Variants in FOXP2 observed in about 807,000 individuals in gnomAD.
FOXP2 encodes forkhead box protein P2.
FOXP2 carries 12 observed loss-of-function variants against 115.8 expected under a neutral mutation model. That is an observed-to-expected ratio of 0.10 (90% CI 0.07 to 0.17). FOXP2 has a LOEUF of 0.17. Among genes scored for constraint, FOXP2 ranks in the 10% least tolerant of loss-of-function variants. FOXP2 has a pLI of 1.00. For synonymous variants in FOXP2, 328 were observed against 297.7 expected (o/e 1.10, Z -1.05); for missense variants, 629 against 843.5 (o/e 0.75, Z 3.15).
chr7:114,617,075 C>T lies in FOXP2; in HGVS notation c.259-11465C>T, dbSNP rs184128507. ...ACTCCAGCATTAGCAACAGAGCGTGCGACTCTCTTTAAAAATAAAAATTAA... is the reference window on the plus strand; with the variant it reads ...ACTCCAGCATTAGCAACAGAGCGTGTGACTCTCTTTAAAAATAAAAATTAA... On this transcript the variant is annotated intron_variant, in intron 3 of 16. Coordinates refer to ENST00000350908, the MANE Select transcript of FOXP2 (RefSeq NM_014491.4). Among the ~76,000 whole-genome samples, 238 of 152,120 alleles carry T rather than the reference C, an allele frequency of 1.6e-3. 2 individuals are homozygous for T. Among genetic ancestry groups the T allele is most frequent in the African/African-American group, 5.3e-3 (220 of 41,488 alleles).
At chr7:114,472,978 G>C (rs555124473) in intron 2 of FOXP2, among the ~76,000 whole-genome samples, 1 of 152,084 alleles carries the variant, frequency 6.6e-6, no homozygotes, top group African/African-American at 2.4e-5. Flanking sequence ...TCCCACTACT[G>C]TCTTCAGCAG....
At chr7:114,170,522 A>G (rs1167199058) in intron 1 of FOXP2, among the ~76,000 whole-genome samples, 1 of 152,236 alleles carries the variant, frequency 6.6e-6, no homozygotes, top group African/African-American at 2.4e-5. Flanking sequence ...TATGACAAAC[A>G]GCCCAAAGTT....
chr7:114,227,289 C>T (rs1406264864), intron 1 of FOXP2, among the ~76,000 whole-genome samples: 2 of 151,906 alleles, frequency 1.3e-5, no homozygotes, highest in South Asian at 2.1e-4. Context: ...AGTTCAGTTT[C>T]CTTCTAGCTG....
chr7:114,615,351 T>G (rs1326572253), intron 3 of FOXP2, among the ~76,000 whole-genome samples: 1 of 152,178 alleles, frequency 6.6e-6, no homozygotes, highest in East Asian at 1.9e-4. Flanking sequence ...ATTACTGCCC[T>G]CTTCCTCCTC....
chr7:114,438,094 T>C lies in FOXP2; in HGVS notation c.168+11415T>C, dbSNP rs192029692. Among the ~76,000 whole-genome samples the C allele has an allele frequency of 2.8e-4, 42 of 152,332 alleles. No homozygotes were observed. The East Asian group carries it at 7.3e-3, about 27-fold the overall frequency. ...ACCTGTTTTTATTTTTTTTAATTTG[T>C]CTATTACAACATTAGAAATTAACTA... On this transcript the variant is annotated intron_variant, in intron 2 of 16. Transcript: ENST00000350908.
At chr7:114,444,573 T>C (rs192824078) in intron 2 of FOXP2, among the ~76,000 whole-genome samples, 52 of 152,296 alleles carry the variant, frequency 3.4e-4, no homozygotes, top group African/African-American at 1.1e-3. Flanking sequence ...TGAATTGTTT[T>C]CCAAAAGAAT....
chr7:114,617,857 C>T (rs1041921118), intron 3 of FOXP2, among the ~76,000 whole-genome samples: 4 of 152,130 alleles, frequency 2.6e-5, no homozygotes, highest in Admixed American at 6.5e-5. Context: ...TTCTGATAGC[C>T]ATGGCCCTTT....
intron 2 of FOXP2, among the ~76,000 whole-genome samples, chr7:114,480,631 A>G (rs559343559): frequency 2.7e-5 from 4 of 150,614 alleles, no homozygotes; most frequent in East Asian, 1.9e-4. Flanking sequence ...ATACATGTAT[A>G]CATATGTATA....
At chr7:114,601,786 A>T (rs1412099092) in intron 3 of FOXP2, among the ~76,000 whole-genome samples, 3 of 152,122 alleles carry the variant, frequency 2.0e-5, no homozygotes, top group Non-Finnish European at 4.4e-5. Flanking sequence ...AGATCTCTTA[A>T]GTTATAACTT....
chr7:114,115,681 T>A (rs1326567538), intron 1 of FOXP2, among the ~76,000 whole-genome samples: 1 of 152,082 alleles, frequency 6.6e-6, no homozygotes, highest in Non-Finnish European at 1.5e-5. Context: ...CCTAACTAGA[T>A]CTATGCTATG....
At chr7:114,596,666 T>A (rs1328848616) in intron 3 of FOXP2, among the ~76,000 whole-genome samples, 1 of 152,136 alleles carries the variant, frequency 6.6e-6, no homozygotes, top group Non-Finnish European at 1.5e-5. Flanking sequence ...GCATCTTGAA[T>A]GTCCCATTTT....
rs202150462 is a variant in FOXP2 at position 114,600,958 on chromosome 7, CTTTT to C, written c.259-27570_259-27567del. Among the ~76,000 whole-genome samples the C allele has an allele frequency of 1.1e-3, 150 of 139,948 alleles. 1 individual carries two copies. The highest frequency in any genetic ancestry group is 3.5e-3 in the African/African-American group (136 of 38,600). The allele number at this position is 139,948 out of a possible 152,430, so 91.8% of individuals were successfully genotyped here. A position where few individuals can be genotyped will look rare whatever the true frequency, so the allele number is the denominator to read the frequency against. On this transcript the variant is annotated intron_variant, in intron 3 of 16. Transcript: ENST00000350908. ...CAGTCTTGGCTTGTCTTGTCAGTAT[CTTTT>C]TTTTTTTTTTTAATTTTTTGAAACA...
chr7:114,286,919 CTTAAAAGTGT>C (rs1161180303), intron 1 of FOXP2, among the ~76,000 whole-genome samples: 1 of 151,964 alleles, frequency 6.6e-6, no homozygotes, highest in Non-Finnish European at 1.5e-5. Flanking sequence ...GGTTCTTTAG[CTTAAAAGTGT>C]TTAGAAATGA....
At chr7:114,520,942 T>C (rs1159882026) in intron 2 of FOXP2, among the ~76,000 whole-genome samples, 1 of 152,114 alleles carries the variant, frequency 6.6e-6, no homozygotes, top group African/African-American at 2.4e-5. Flanking sequence ...ATTACAAGGC[T>C]GTCTTATAAG....
At position 114,227,213 on chromosome 7, in the gene FOXP2, G is replaced by C. The variant is rs112767830; in HGVS notation, c.-101-60806G>C. Among the ~76,000 whole-genome samples, 556 of 152,102 alleles carry C rather than the reference G, an allele frequency of 3.7e-3. 5 individuals carry two copies. The highest frequency in any genetic ancestry group is 0.013 in the African/African-American group (530 of 41,530). On this transcript the variant is annotated intron_variant, in intron 1 of 17. Coordinates refer to the FOXP2 transcript ENST00000634411. ...CAGGCTACAGTGTCCCTATTATTTG[G>C]TTATGGTGGAATCATTGTGAGCATG...
At chr7:114,629,571 T>A (rs1307894594) in intron 4 of FOXP2, 26 of 1,537,036 alleles carry the variant, frequency 1.7e-5, no homozygotes, top group Admixed American at 5.9e-5. Context: ...GAATACAGAC[T>A]TTCTATACCC....
At chr7:114,291,594 C>A (rs1001582897) in intron 2 of FOXP2, among the ~76,000 whole-genome samples, 3 of 151,714 alleles carry the variant, frequency 2.0e-5, no homozygotes, top group African/African-American at 7.3e-5. Flanking sequence ...TAAAAGGCTG[C>A]AATCAAAATG....
intron 3 of FOXP2, among the ~76,000 whole-genome samples, chr7:114,552,509 A>G (rs188425973): frequency 6.6e-6 from 1 of 152,198 alleles, no homozygotes; most frequent in African/African-American, 2.4e-5. Context: ...TTTATGTGTT[A>G]TATGCCAAAA....
At chr7:114,345,603 C>T (rs1791327926) in intron 2 of FOXP2, among the ~76,000 whole-genome samples, 1 of 151,682 alleles carries the variant, frequency 6.6e-6, no homozygotes, top group Admixed American at 6.6e-5. Context: ...CTGTTGAAAT[C>T]TATACTTTAT....
Sources: gnomAD v4.1 joint callset for allele counts (sites outside exome capture counted in the v4.1 genomes callset) on GRCh38, gnomAD v4.1.1 for gene constraint, MANE v1.5 for transcripts, NCBI Gene and HGNC (gene_info 2026-07-23, HGNC 2026-07-21) for gene names.